The following ASAP2 variants were observed in gnomAD, a reference collection of about 807,000 sequenced individuals.
ASAP2 encodes arf-GAP with SH3 domain, ANK repeat and PH domain-containing protein 2.
ASAP2 carries 45 observed loss-of-function variants against 131.4 expected under a neutral mutation model. The observed-to-expected ratio is 0.34, with a 90% confidence interval of 0.27 to 0.44. The LOEUF is 0.44. Among genes scored for constraint, ASAP2 ranks in the 20% least tolerant of loss-of-function variants. ASAP2 has a pLI of 1.00. For missense variants in ASAP2, 1,011 were observed against 1,297.0 expected, an observed-to-expected ratio of 0.78 and a Z score of 3.39; for synonymous variants, 510 against 503.0, an observed-to-expected ratio of 1.01 and a Z score of -0.19.
chr2:9,217,318 C>G lies in ASAP2; in HGVS notation c.126+10088C>G, dbSNP rs1191353218. Among the ~76,000 whole-genome samples, 1 of 152,216 alleles carries G rather than the reference C, an allele frequency of 6.6e-6. No individual in the cohort carries two copies. The stretch of plus-strand genomic sequence containing the variant: ...CCTCCTTGCTGCAGAAATTGTTCTT[C>G]TTTCCTCTCCTCACTGCTCTGCTGA... On this transcript the variant is annotated intron_variant, in intron 1 of 27. Coordinates refer to ENST00000281419, the MANE Select transcript of ASAP2 (RefSeq NM_003887.3). This position sits in a 1 kb window ranked among gnomAD's most constrained non-coding sequence, Gnocchi z 4.0.
chr2:9,323,082 C>T (rs1312692864), intron 5 of ASAP2, 39 bp from the exon 6 acceptor site: 2 of 1,612,492 alleles, frequency 1.2e-6, no homozygotes, highest in Non-Finnish European at 8.5e-7. Context: ...GAGTTCTGTG[C>T]CAACAGGCAT....
intron 12 of ASAP2, among the ~76,000 whole-genome samples, chr2:9,353,695 A>G (rs1403572797): frequency 6.6e-6 from 1 of 152,190 alleles, no homozygotes; most frequent in African/African-American, 2.4e-5. Context: ...TGGTCAGTTC[A>G]TCTTGGAATC....
At chr2:9,324,691 C>T (rs1670370240) in intron 6 of ASAP2, among the ~76,000 whole-genome samples, 1 of 152,214 alleles carries the variant, frequency 6.6e-6, no homozygotes, top group African/African-American at 2.4e-5. Flanking sequence ...TACCACTCAA[C>T]ACTGCTGCAT....
chr2:9,378,196 G>T (rs1036390545), intron 18 of ASAP2, among the ~76,000 whole-genome samples: 4 of 152,124 alleles, frequency 2.6e-5, no homozygotes, highest in Non-Finnish European at 4.4e-5. Flanking sequence ...TCCTGAGATC[G>T]CCTTTCTGTC....
Position 9,380,733 on chromosome 2 carries a change from A to C in ASAP2, c.1949-8A>C, listed in dbSNP as rs1257128430. 4 of 1,614,014 alleles carry C rather than the reference A, an allele frequency of 2.5e-6. No individual in the cohort carries two copies. Among genetic ancestry groups the C allele is most frequent in the African/African-American group, 1.3e-5 (1 of 74,992 alleles). On this transcript the variant is annotated splice_polypyrimidine_tract_variant and splice_region_variant and intron_variant, in intron 19 of 27. Coordinates refer to ENST00000281419, the MANE Select transcript of ASAP2 (RefSeq NM_003887.3). Reference sequence around the variant, plus strand: ...TTAACGCCTCCTTTGCTCGCCCTTGAATTTTAGCAAACGAGTCAGGAGAGA... The same window carrying C: ...TTAACGCCTCCTTTGCTCGCCCTTGCATTTTAGCAAACGAGTCAGGAGAGA...
At position 9,268,138 on chromosome 2, in the gene ASAP2, T is replaced by G. The variant is rs1489370029; in HGVS notation, c.127-11179T>G. Among the ~76,000 whole-genome samples the G allele has an allele frequency of 1.3e-5, 2 of 152,194 alleles. No individual in the cohort carries two copies. The highest frequency in any genetic ancestry group is 2.4e-5 in the African/African-American group (1 of 41,442). ...CTGCATGTATTCTTTTGCTCAACAT[T>G]TTTGTCAAGTTCACTTGTGTTGTGG... On this transcript the variant is annotated intron_variant, in intron 1 of 27. Coordinates refer to ENST00000281419, the MANE Select transcript of ASAP2 (RefSeq NM_003887.3). This position sits in a 1 kb window ranked among gnomAD's most constrained non-coding sequence, Gnocchi z 4.1.
intron 1 of ASAP2, among the ~76,000 whole-genome samples, chr2:9,275,154 C>T (rs569862627): frequency 4.7e-5 from 7 of 149,098 alleles, no homozygotes; most frequent in South Asian, 4.2e-4. Context: ...AATCATGGTT[C>T]GCTGCAGCCT....
Position 9,207,206 on chromosome 2 carries a change from G to C in ASAP2, c.102G>C (p.Arg34=). The C allele has an allele frequency of 6.3e-7, 1 of 1,599,310 alleles. No individual in the cohort carries two copies. Among genetic ancestry groups the C allele is most frequent in the South Asian group, 1.1e-5 (1 of 89,378 alleles). ...TCACCACCCGCACGGCGCAGTGCCGGAACACTGTGGCGGCCATCGAGGAGG... is the reference window on the plus strand; with the variant it reads ...TCACCACCCGCACGGCGCAGTGCCGCAACACTGTGGCGGCCATCGAGGAGG... ...SSFTTRTAQC[R]NTVAAIEEAL... The change falls in exon 1 of 28, where the codon CGG becomes CGC. Residue 34 remains arginine (R), a synonymous_variant. Coordinates refer to ENST00000281419, the MANE Select transcript of ASAP2 (RefSeq NM_003887.3). This position sits in a 1 kb window ranked among gnomAD's most constrained non-coding sequence, Gnocchi z 4.1.
In ASAP2 at chr2:9,207,243, G is replaced by T; in HGVS notation, c.126+13G>T. The T allele has an allele frequency of 6.4e-7, 1 of 1,558,534 alleles. No homozygotes were observed. The highest frequency in any genetic ancestry group is 8.7e-7 in the Non-Finnish European group (1 of 1,155,970). On this transcript the variant is annotated intron_variant, in intron 1 of 27. Coordinates refer to ENST00000281419, the MANE Select transcript of ASAP2 (RefSeq NM_003887.3). The surrounding 1 kb of genome is among the most constrained non-coding windows in gnomAD (Gnocchi z 4.1). ...GGCCATCGAGGAGGTGAGGCGGCCT[G>T]CGCGGCGGCTCCGGCCGCAGGTATC...
intron 14 of ASAP2, 48 bp from the exon 15 acceptor site, chr2:9,358,708 A>G: frequency 6.3e-7 from 1 of 1,589,724 alleles, no homozygotes; most frequent in Non-Finnish European, 8.6e-7. Context: ...GTGACTCCTG[A>G]CCCTCTTTTT....
At chr2:9,357,728 T>C (rs1171239332) in intron 14 of ASAP2, among the ~76,000 whole-genome samples, 1 of 152,164 alleles carries the variant, frequency 6.6e-6, no homozygotes, top group Admixed American at 6.5e-5. Flanking sequence ...ACAAATACAG[T>C]GGAGTCGTCC....
intron 1 of ASAP2, among the ~76,000 whole-genome samples, chr2:9,209,789 G>A (rs565625908): frequency 1.5e-4 from 23 of 152,236 alleles, no homozygotes; most frequent in East Asian, 1.9e-4. Flanking sequence ...GGCTGGTCTC[G>A]AACTCCTGAC....
chr2:9,277,658 A>G (rs1666842492), intron 1 of ASAP2, among the ~76,000 whole-genome samples: 1 of 152,204 alleles, frequency 6.6e-6, no homozygotes, highest in Non-Finnish European at 1.5e-5. Flanking sequence ...CTTTGTTAAC[A>G]TCCCGCACTA....
intron 9 of ASAP2, among the ~76,000 whole-genome samples, chr2:9,336,764 T>C (rs569062601): frequency 2.0e-4 from 31 of 151,996 alleles, no homozygotes; most frequent in Admixed American, 4.6e-4. Flanking sequence ...AAGGAGAAAA[T>C]AGTGGGCTAG....
intron 9 of ASAP2, among the ~76,000 whole-genome samples, chr2:9,342,479 T>C (rs934333076): frequency 6.6e-6 from 1 of 152,190 alleles, no homozygotes; most frequent in Admixed American, 6.5e-5. Context: ...ACTTGGTCCC[T>C]TACCTCACAC....
intron 7 of ASAP2, among the ~76,000 whole-genome samples, chr2:9,332,603 C>G (rs555401847): frequency 1.3e-5 from 2 of 152,218 alleles, no homozygotes; most frequent in Non-Finnish European, 2.9e-5. Context: ...CTCACGCGCT[C>G]TCACTCTCGC....
chr2:9,374,995 G>T, intron 17 of ASAP2, 51 bp downstream of exon 17: 6 of 1,489,186 alleles, frequency 4.0e-6, no homozygotes, highest in South Asian at 1.3e-5. Flanking sequence ...GGCCGGCCAC[G>T]GTGGCTCATG....
At chr2:9,322,116 T>A (rs1409613217) in intron 5 of ASAP2, among the ~76,000 whole-genome samples, 2 of 152,146 alleles carry the variant, frequency 1.3e-5, no homozygotes, top group Admixed American at 1.3e-4. Flanking sequence ...CACACTCCTT[T>A]CCGGATGCAT....
intron 20 of ASAP2, among the ~76,000 whole-genome samples, chr2:9,381,706 C>A (rs1386011000): frequency 2.0e-5 from 3 of 152,130 alleles, no homozygotes; most frequent in Non-Finnish European, 2.9e-5. Context: ...CACTGCACTC[C>A]AGCCTGGGCA....
Sources: allele counts gnomAD v4.1 joint callset (sites outside exome capture counted in the v4.1 genomes callset), GRCh38; gene constraint gnomAD v4.1.1; non-coding constraint Gnocchi (gnomAD v3.1); transcripts MANE v1.5; gene names NCBI Gene and HGNC (gene_info 2026-07-23, HGNC 2026-07-21).